CNIH3: variants seen among roughly 807,000 people sequenced by gnomAD.
CNIH3 encodes cornichon family AMPA receptor auxiliary protein 3, also known as protein cornichon homolog 3.
Under a neutral mutation model 24.1 loss-of-function variants are expected in CNIH3, and 14 were observed. The ratio of observed to expected loss-of-function variants is 0.58; its 90% CI spans 0.38 to 0.91. CNIH3 has a LOEUF of 0.91. CNIH3 is among the 40% of genes least tolerant of loss of function. The pLI is 0.00. For synonymous variants in CNIH3, 68 were observed against 73.8 expected (o/e 0.92, Z 0.40); for missense variants, 178 against 196.8 (o/e 0.90, Z 0.57).
intron 3 of CNIH3, among the ~76,000 whole-genome samples, chr1:224,721,976 G>T (rs752383925): frequency 1.3e-5 from 2 of 152,150 alleles, no homozygotes; most frequent in African/African-American, 4.8e-5. Flanking sequence ...ACGGGGTGGT[G>T]TGTGGGAAAG....
chr1:224,548,213 A>G (rs1679778777), intron 3 of CNIH3, among the ~76,000 whole-genome samples: 1 of 152,018 alleles, frequency 6.6e-6, no homozygotes, highest in African/African-American at 2.4e-5. Flanking sequence ...ATGGGTGTAC[A>G]CCCTGTGATA....
At chr1:224,622,898 G>A (rs1222536795) in intron 1 of CNIH3, among the ~76,000 whole-genome samples, 1 of 152,204 alleles carries the variant, frequency 6.6e-6, no homozygotes, top group Non-Finnish European at 1.5e-5. Flanking sequence ...CTCCCAGTAA[G>A]TCTGCAAACA....
chr1:224,623,396 C>G (rs963749767), intron 1 of CNIH3, among the ~76,000 whole-genome samples: 3 of 152,160 alleles, frequency 2.0e-5, no homozygotes, highest in Non-Finnish European at 2.9e-5. Flanking sequence ...TCTCTTCCCT[C>G]TCTTCTCTCA....
At chr1:224,665,239 C>T (rs1685540175) in intron 1 of CNIH3, among the ~76,000 whole-genome samples, 1 of 152,128 alleles carries the variant, frequency 6.6e-6, no homozygotes, top group South Asian at 2.1e-4. Context: ...ACGCTGGATA[C>T]TCCCAGGCTT....
intron 1 of CNIH3, among the ~76,000 whole-genome samples, chr1:224,641,629 T>C (rs754859250): frequency 3.3e-5 from 5 of 152,252 alleles, no homozygotes; most frequent in Non-Finnish European, 5.9e-5. Context: ...GCACAAATGC[T>C]GCAGGTGTGG....
chr1:224,553,933 G>A (rs962814503), intron 3 of CNIH3, among the ~76,000 whole-genome samples: 2 of 151,746 alleles, frequency 1.3e-5, no homozygotes, highest in Admixed American at 1.3e-4. Flanking sequence ...TACCTCTGTA[G>A]AACAAATCCA....
chr1:224,500,621 C>T lies in CNIH3; in HGVS notation n.204-15120C>T, dbSNP rs374275560. Among the ~76,000 whole-genome samples the T allele has an allele frequency of 5.9e-5, 9 of 151,336 alleles. No individual in the cohort carries two copies. In the East Asian group the frequency reaches 1.5e-3, roughly 26 times the overall value. ...TCAGGGGGCGGAGGTTGCAGTGAGG[C>T]GAGATTGTGCCACTGCACTCCAACC... is the stretch of plus-strand genomic sequence containing the variant. On this transcript the variant is annotated intron_variant and non_coding_transcript_variant, in intron 1 of 5. Transcript: ENST00000471578.
intron 3 of CNIH3, among the ~76,000 whole-genome samples, chr1:224,558,178 C>T (rs115521859): frequency 0.021 from 3,180 of 152,252 alleles, 111 homozygotes; most frequent in African/African-American, 0.072. Flanking sequence ...AAGATGGCCC[C>T]ACTCACCTGC....
intron 1 of CNIH3, among the ~76,000 whole-genome samples, chr1:224,446,536 T>C (rs1234951043): frequency 6.6e-6 from 1 of 152,190 alleles, no homozygotes; most frequent in African/African-American, 2.4e-5. Flanking sequence ...AAATGGTATG[T>C]TTAAAATTTC....
chr1:224,590,716 A>T (rs144012730), downstream of CNIH3, among the ~76,000 whole-genome samples: 620 of 152,262 alleles, frequency 4.1e-3, 3 homozygotes, highest in African/African-American at 0.014. Context: ...ACACTATTGC[A>T]TTTGGGATTA....
At chr1:224,557,355 C>T (rs1034445985) in intron 3 of CNIH3, among the ~76,000 whole-genome samples, 2 of 152,056 alleles carry the variant, frequency 1.3e-5, no homozygotes, top group Admixed American at 1.3e-4. Context: ...GCCCACTTTC[C>T]CCTCTTAGAA....
At chr1:224,591,623 A>T (rs1037368444), downstream of CNIH3, among the ~76,000 whole-genome samples, 1 of 152,166 alleles carries the variant, frequency 6.6e-6, no homozygotes, top group African/African-American at 2.4e-5. Flanking sequence ...TAGGTTTCAG[A>T]TACTATGCCG....
chr1:224,656,297 A>G (rs571212774), intron 1 of CNIH3, among the ~76,000 whole-genome samples: 1 of 152,316 alleles, frequency 6.6e-6, no homozygotes, highest in South Asian at 2.1e-4. Context: ...TTTTTGAACA[A>G]CATTTGAGGC....
At chr1:224,610,823 A>T (rs1463959744) in intron 3 of CNIH3, among the ~76,000 whole-genome samples, 1 of 152,182 alleles carries the variant, frequency 6.6e-6, no homozygotes, top group Non-Finnish European at 1.5e-5. Flanking sequence ...AAAAAGTGTG[A>T]TGTAATTTGC....
chr1:224,687,523 A>T (rs1686719874), intron 3 of CNIH3, among the ~76,000 whole-genome samples: 1 of 152,178 alleles, frequency 6.6e-6, no homozygotes, highest in South Asian at 2.1e-4. Context: ...ATGAGCCACC[A>T]TGCCCAGCCC....
chr1:224,670,307 G>A (rs1370283071), intron 1 of CNIH3, among the ~76,000 whole-genome samples: 1 of 152,166 alleles, frequency 6.6e-6, no homozygotes, highest in South Asian at 2.1e-4. Flanking sequence ...CTGGACACTC[G>A]GGGCTGCTGC....
chr1:224,703,383 A>G lies in CNIH3; in HGVS notation c.198+18540A>G, dbSNP rs966863638. ...CGCACATTAGAATCACCTGGGGGAA[A>G]TTTTAAAAATCCTGATGCCCAGAAT... On this transcript the variant is annotated intron_variant, in intron 3 of 5. Coordinates refer to ENST00000272133, the MANE Select transcript of CNIH3 (RefSeq NM_152495.2). The surrounding 1 kb of genome is among the most constrained non-coding windows in gnomAD (Gnocchi z 4.2). 1.4e-4 allele frequency among the ~76,000 whole-genome samples: 21 copies of G among 151,908 alleles called. No individual in the cohort carries two copies. The highest frequency in any genetic ancestry group is 3.3e-4 in the Admixed American group (5 of 15,276).
At chr1:224,733,768 A>G (rs1007050400) in intron 4 of CNIH3, among the ~76,000 whole-genome samples, 1 of 152,098 alleles carries the variant, frequency 6.6e-6, no homozygotes, top group African/African-American at 2.4e-5. Flanking sequence ...TTCCAGCTGT[A>G]CTTTGTTCTT....
intron 1 of CNIH3, among the ~76,000 whole-genome samples, chr1:224,659,607 C>A (rs1485248793): frequency 6.6e-6 from 1 of 151,942 alleles, no homozygotes; most frequent in Admixed American, 6.6e-5. Flanking sequence ...AAGAAGAAAC[C>A]GGGAAACGAG....
Sources: gnomAD v4.1 joint callset for allele counts (sites outside exome capture counted in the v4.1 genomes callset) on GRCh38, gnomAD v4.1.1 for gene constraint, Gnocchi (gnomAD v3.1) non-coding constraint, MANE v1.5 for transcripts, NCBI Gene and HGNC (gene_info 2026-07-23, HGNC 2026-07-21) for gene names.